Variants in CACNA1S observed in about 807,000 individuals in gnomAD.
CACNA1S encodes the protein calcium voltage-gated channel subunit alpha1 S.
A neutral mutation model predicts 207.4 loss-of-function variants in CACNA1S; 126 were observed. The ratio of observed to expected loss-of-function variants is 0.61; its 90% CI spans 0.53 to 0.70. CACNA1S has a LOEUF of 0.70. Ranked by LOEUF, CACNA1S falls within the 30% of genes least tolerant of loss-of-function variation. The probability of loss-of-function intolerance (pLI) is 0.00; values close to 1 mark genes in which losing one functional copy is unlikely to be tolerated. For missense variants in CACNA1S, 2,349 were observed against 2,422.8 expected, an observed-to-expected ratio of 0.97 and a Z score of 0.64; for synonymous variants, 960 against 932.7, an observed-to-expected ratio of 1.03 and a Z score of -0.53.
At chr1:201,052,851 A>C (rs1485804191) in intron 31 of CACNA1S, among the ~76,000 whole-genome samples, 1 of 152,028 alleles carries the variant, frequency 6.6e-6, no homozygotes. Flanking sequence ...CAAGCCAAAG[A>C]AAAGAGGGAG....
In CACNA1S at chr1:201,084,967, G is replaced by A. The variant is rs1351156793; in HGVS notation, c.1215C>T (p.Asn405=). Residue 405 remains asparagine (N), a synonymous_variant, in exon 9 of 44, where the codon AAC becomes AAT. Coordinates refer to ENST00000362061, the MANE Select transcript of CACNA1S (RefSeq NM_000069.3). The stretch of plus-strand genomic sequence containing the variant: ...ATACTCACATGAACTGGATGATTTT[G>A]TTCAAGCCTGCAATTTCATACAGGC... ...TESLYEIAGL[N]KIIQFIRHWR... 1 of 1,612,562 alleles carries A rather than the reference G, an allele frequency of 6.2e-7. No individual in the cohort carries two copies. Among genetic ancestry groups the A allele is most frequent in the South Asian group, 1.1e-5 (1 of 91,060 alleles).
At chr1:201,097,151 T>C (rs1447622571) in intron 2 of CACNA1S, among the ~76,000 whole-genome samples, 1 of 151,886 alleles carries the variant, frequency 6.6e-6, no homozygotes, top group Non-Finnish European at 1.5e-5. Flanking sequence ...CAGCTCCTCC[T>C]CTTCAACTGC....
At chr1:201,040,444 A>T (rs187818075) in intron 42 of CACNA1S, 70 bp from the exon 43 acceptor site, 1 of 1,585,960 alleles carries the variant, frequency 6.3e-7, no homozygotes, top group African/African-American at 1.3e-5. Flanking sequence ...AAAATTCCAG[A>T]TCATCTGAGG....
Position 201,091,979 on chromosome 1 carries a change from C to T in CACNA1S, c.534G>A (p.Gly178=), listed in dbSNP as rs767013417. 11 of 1,613,980 alleles carry T rather than the reference C, an allele frequency of 6.8e-6. No individual in the cohort carries two copies. Among genetic ancestry groups the T allele is most frequent in the Non-Finnish European group, 9.3e-6 (11 of 1,180,000 alleles). Residue 178 remains glycine, a synonymous_variant, in exon 4 of 44, where the codon GGG becomes GGA. Transcript: ENST00000362061. ...RVLRPLRLVS[G]VPSLQVVLNS... ...AGGGACACTGCCACCCACTAGGCACCCCCGACACCAGCCGGAGGGGTCTGA... is the reference window on the plus strand; with the variant it reads ...AGGGACACTGCCACCCACTAGGCACTCCCGACACCAGCCGGAGGGGTCTGA...
chr1:201,040,792 CTGGCT>C, intron 41 of CACNA1S, 79 bp from the exon 42 acceptor site: 2 of 1,105,256 alleles, frequency 1.8e-6, no homozygotes, highest in Non-Finnish European at 2.7e-6. Flanking sequence ...GCTCGCTTGG[CTGGCT>C]AGCCACACTC....
At chr1:201,083,037 T>G in intron 10 of CACNA1S, 125 bp downstream of exon 10, 1 of 1,032,630 alleles carries the variant, frequency 9.7e-7, no homozygotes, top group Non-Finnish European at 1.5e-6. Context: ...GTCCATAATT[T>G]TTAGAAAAAT....
intron 26 of CACNA1S, among the ~76,000 whole-genome samples, chr1:201,060,134 G>T (rs1486305822): frequency 6.6e-6 from 1 of 152,182 alleles, no homozygotes; most frequent in Non-Finnish European, 1.5e-5. Flanking sequence ...TGTGTCTTGG[G>T]CTTCTAGGAG....
intron 10 of CACNA1S, 104 bp downstream of exon 10, chr1:201,083,058 T>A: frequency 8.4e-7 from 1 of 1,195,642 alleles, no homozygotes; most frequent in South Asian, 1.3e-5. Flanking sequence ...GATGTCAATA[T>A]CTAATTGACC....
intron 25 of CACNA1S, 141 bp downstream of exon 25, chr1:201,061,126 T>A: frequency 1.3e-6 from 1 of 745,944 alleles, no homozygotes; most frequent in Non-Finnish European, 2.3e-6. Context: ...TAGGGTAGGG[T>A]GCATGGAGGC....
rs1174510835 is a variant in CACNA1S, at chr1:201,066,330, A to G, written c.2658-14T>C. On this transcript the variant is annotated splice_polypyrimidine_tract_variant and intron_variant, in intron 20 of 43. Transcript: ENST00000362061. The surrounding 1 kb of genome is among the most constrained non-coding windows in gnomAD (Gnocchi z 4.3). ...ATGGCACTGGACCTGGGGGGCGGCA[A>G]TGGTGAGGGGGCTGAGGGCAGCCTG... The G allele has an allele frequency of 1.2e-6, 2 of 1,606,620 alleles. No individual in the cohort carries two copies. The highest frequency in any genetic ancestry group is 1.7e-6 in the Non-Finnish European group (2 of 1,178,806).
chr1:201,079,773 C>A (rs1209021344), intron 10 of CACNA1S, among the ~76,000 whole-genome samples: 1 of 152,170 alleles, frequency 6.6e-6, no homozygotes, highest in South Asian at 2.1e-4. Flanking sequence ...AAAGTCCATG[C>A]CCTGACCCCA....
chr1:201,102,248 C>T (rs1323583873), intron 2 of CACNA1S, among the ~76,000 whole-genome samples: 5 of 152,178 alleles, frequency 3.3e-5, no homozygotes, highest in South Asian at 2.1e-4. Context: ...GGAAAGGCCT[C>T]GGATCCCAGT....
chr1:201,073,147 C>G (rs773346559), intron 15 of CACNA1S, among the ~76,000 whole-genome samples: 1 of 152,178 alleles, frequency 6.6e-6, no homozygotes, highest in Admixed American at 6.5e-5. Context: ...GGGCCCAGTT[C>G]CCTGACTTTT....
At position 201,091,975 on chromosome 1, in the gene CACNA1S, G is replaced by T. The variant is rs761578923; in HGVS notation, c.538C>A (p.Pro180Thr). 1 of 1,613,960 alleles carries T rather than the reference G, an allele frequency of 6.2e-7. No individual in the cohort carries two copies. Among genetic ancestry groups the T allele is most frequent in the East Asian group, 2.2e-5 (1 of 44,864 alleles). The change falls in exon 4 of 44, where the codon CCT becomes ACT. Residue 180 changes from proline (P) to threonine (T), a missense_variant. Coordinates refer to ENST00000362061, the MANE Select transcript of CACNA1S (RefSeq NM_000069.3). ...LRPLRLVSGV[P>T]SLQVVLNSIF... ...CTGCAGGGACACTGCCACCCACTAG[G>T]CACCCCCGACACCAGCCGGAGGGGT...
At position 201,077,147 on chromosome 1, in the gene CACNA1S, A is replaced by T; in HGVS notation, c.1620-20T>A. 1 of 1,609,474 alleles carries T rather than the reference A, an allele frequency of 6.2e-7. No homozygotes were observed. Among genetic ancestry groups the T allele is most frequent in the Non-Finnish European group, 8.5e-7 (1 of 1,176,170 alleles). ...CAATATCTGAAGGAAGAGGAGGCAC[A>T]AGGTGGGAGGAGACAGACCCTCTCA... On this transcript the variant is annotated intron_variant, in intron 11 of 43. Transcript: ENST00000362061.
At chr1:201,064,423 G>T (rs960368974) in intron 22 of CACNA1S, among the ~76,000 whole-genome samples, 1 of 152,218 alleles carries the variant, frequency 6.6e-6, no homozygotes, top group Non-Finnish European at 1.5e-5. Flanking sequence ...GGGGCTCCAC[G>T]CTGCTGCTTC....
intron 1 of CACNA1S, 130 bp from the exon 2 acceptor site, chr1:201,110,399 G>A (rs1398508960): frequency 2.7e-5 from 21 of 785,606 alleles, no homozygotes; most frequent in Middle Eastern, 3.0e-4. Context: ...ATGGACGCTC[G>A]CCCACGCTGC....
intron 2 of CACNA1S, among the ~76,000 whole-genome samples, chr1:201,094,874 C>A (rs1356701652): frequency 6.6e-6 from 1 of 152,112 alleles, no homozygotes; most frequent in East Asian, 1.9e-4. Context: ...CTGGGTTACC[C>A]TATCCTTGGC....
chr1:201,097,694 A>G (rs1474541858), intron 2 of CACNA1S, among the ~76,000 whole-genome samples: 1 of 152,156 alleles, frequency 6.6e-6, no homozygotes, highest in Non-Finnish European at 1.5e-5. Context: ...AGAACAGGTG[A>G]CATTCCCCCA....
Sources: allele counts gnomAD v4.1 joint callset (sites outside exome capture counted in the v4.1 genomes callset), GRCh38; gene constraint gnomAD v4.1.1; non-coding constraint Gnocchi (gnomAD v3.1); transcripts MANE v1.5; gene names NCBI Gene and HGNC (gene_info 2026-07-23, HGNC 2026-07-21).